REV3L: variants seen among roughly 807,000 people sequenced by gnomAD.
REV3L encodes the protein REV3 like, DNA directed polymerase zeta catalytic subunit.
A neutral mutation model predicts 299.4 loss-of-function variants in REV3L; 69 were observed. The observed-to-expected ratio is 0.23, with a 90% CI of 0.19 to 0.28. The LOEUF is 0.28. Among genes scored for constraint, REV3L ranks in the 10% least tolerant of loss-of-function variants. The pLI, the probability that REV3L is intolerant of heterozygous loss-of-function variation, is 1.00. For missense variants in REV3L, 3,128 were observed against 3,693.8 expected, an observed-to-expected ratio of 0.85 and a Z score of 3.97; for synonymous variants, 1,238 against 1,271.4, an observed-to-expected ratio of 0.97 and a Z score of 0.56.
rs192268476 is a variant in REV3L, at chr6:111,337,255, T to A, written c.7539-1645A>T. Among the ~76,000 whole-genome samples the A allele has an allele frequency of 3.3e-5, 5 of 152,328 alleles. No homozygotes were observed. The East Asian group carries it at 9.6e-4, about 29-fold the overall frequency. Reference sequence around the variant, plus strand: ...TACTTTAAATGGGTAAATTGTATGATATACAAATTATATCTGAATAAAGCT... The same window carrying A: ...TACTTTAAATGGGTAAATTGTATGAAATACAAATTATATCTGAATAAAGCT... On this transcript the variant is annotated intron_variant, in intron 21 of 31. Transcript: ENST00000368802.
chr6:111,407,589 G>A (rs1362748661), intron 3 of REV3L, among the ~76,000 whole-genome samples: 2 of 152,162 alleles, frequency 1.3e-5, no homozygotes, highest in East Asian at 1.9e-4. Context: ...ATTAGTGAAA[G>A]CAATTTTCAG....
chr6:111,369,413 T>G (rs1489258297), intron 13 of REV3L, among the ~76,000 whole-genome samples: 2 of 152,086 alleles, frequency 1.3e-5, no homozygotes, highest in Non-Finnish European at 2.9e-5. Flanking sequence ...AGCCTTAAAT[T>G]TTTCAGTAAT....
chr6:111,303,591 T>C (rs1305694899), intron 31 of REV3L, among the ~76,000 whole-genome samples: 1 of 147,026 alleles, frequency 6.8e-6, no homozygotes, highest in Admixed American at 6.8e-5. Context: ...GGTCTCAAAC[T>C]CCTGCCCTCA....
At chr6:111,314,542 T>G (rs1046834729) in intron 27 of REV3L, among the ~76,000 whole-genome samples, 13 of 152,178 alleles carry the variant, frequency 8.5e-5, no homozygotes, top group Non-Finnish European at 1.0e-4. Context: ...CCAGACATGA[T>G]GGTAAGCAAG....
intron 1 of REV3L, among the ~76,000 whole-genome samples, chr6:111,473,171 C>A (rs557662529): frequency 6.6e-6 from 1 of 152,202 alleles, no homozygotes; most frequent in African/African-American, 2.4e-5. Flanking sequence ...ATGACAACAT[C>A]CTCTAAAACC....
chr6:111,471,495 T>C (rs771868513), intron 1 of REV3L, among the ~76,000 whole-genome samples: 25 of 152,196 alleles, frequency 1.6e-4, no homozygotes, highest in Non-Finnish European at 2.8e-4. Flanking sequence ...TCAAACATTT[T>C]AAAGAGTACT....
At chr6:111,431,056 C>A (rs1786861669) in intron 1 of REV3L, 1 of 1,519,108 alleles carries the variant, frequency 6.6e-7, no homozygotes, top group Non-Finnish European at 9.1e-7. Flanking sequence ...TTCTTATGCA[C>A]CGCATTATGA....
Position 111,329,748 on chromosome 6 carries a change from A to G in REV3L, c.8035-10T>C, listed in dbSNP as rs1170905631. On this transcript the variant is annotated splice_polypyrimidine_tract_variant and intron_variant, in intron 24 of 31. Transcript: ENST00000368802. The stretch of plus-strand genomic sequence containing the variant: ...CTTTTCTTACTGAAGGCTATCATAA[A>G]GAAAAAAAATGTTTAAAACCCCTCA... 6.2e-7 allele frequency: 1 copy of G among 1,605,268 alleles called. No individual in the cohort carries two copies. The highest frequency in any genetic ancestry group is 1.3e-5 in the African/African-American group (1 of 74,738).
intron 1 of REV3L, among the ~76,000 whole-genome samples, chr6:111,463,161 C>T (rs569982239): frequency 8.5e-5 from 13 of 152,298 alleles, no homozygotes; most frequent in East Asian, 1.9e-4. Context: ...AAGCTGTTAA[C>T]GGTATAAGTA....
rs148744835 is a variant in REV3L, at chr6:111,373,631, C to G, written c.4724G>C (p.Arg1575Pro). 6.2e-7 allele frequency: 1 copy of G among 1,614,052 alleles called. No homozygotes were observed. Among genetic ancestry groups the G allele is most frequent in the Non-Finnish European group, 8.5e-7 (1 of 1,179,992 alleles). The change falls in exon 13 of 32, where the codon CGA (arginine) becomes CCA (proline). Residue 1575 changes from arginine (R) to proline (P), a missense_variant. By Grantham distance (103) the Arg-to-Pro change is moderately radical. Around this residue, in one of 9 missense-constraint regions of REV3L, gnomAD observed 2,409 missense variants for 2,611.8 expected, o/e 0.92. Coordinates refer to ENST00000368802, the MANE Select transcript of REV3L (RefSeq NM_001372078.1). ...LEHNKANKRT[R>P]SVTSPRKPRT... ...AGGTTTTCTTGGGGACGTTACCGAT[C>G]GTGTCCGTTTATTTGCTTTGTTATG... is the stretch of plus-strand genomic sequence containing the variant.
intron 1 of REV3L, among the ~76,000 whole-genome samples, chr6:111,446,576 C>T (rs972246711): frequency 1.3e-5 from 2 of 152,152 alleles, no homozygotes; most frequent in African/African-American, 4.8e-5. Context: ...TGGCAGGCGC[C>T]TGTAGTCCCA....
At chr6:111,448,997 C>G (rs1395912954) in intron 1 of REV3L, among the ~76,000 whole-genome samples, 1 of 151,994 alleles carries the variant, frequency 6.6e-6, no homozygotes, top group Non-Finnish European at 1.5e-5. Context: ...AGCTTGTGGT[C>G]TTTGCAAACA....
At position 111,329,604 on chromosome 6, in the gene REV3L, T is replaced by C; in HGVS notation, c.8169A>G (p.Gly2723=). 1 of 1,614,154 alleles carries C rather than the reference T, an allele frequency of 6.2e-7. No homozygotes were observed. The highest frequency in any genetic ancestry group is 8.5e-7 in the Non-Finnish European group (1 of 1,180,034). The change falls in exon 25 of 32, where the codon GGA becomes GGG. Residue 2723 remains glycine, a synonymous_variant. Coordinates refer to ENST00000368802, the MANE Select transcript of REV3L (RefSeq NM_001372078.1). ...ATGTGACATTTGCTATCAGCTTAAG[T>C]CCCAACTGACGCGCATCAAGCATTC... The part of the protein sequence containing the change: ...LSRMLDARQL[G]LKLIANVTFG...
At chr6:111,414,252 T>G (rs1784541899) in intron 2 of REV3L, among the ~76,000 whole-genome samples, 1 of 152,046 alleles carries the variant, frequency 6.6e-6, no homozygotes, top group South Asian at 2.1e-4. Flanking sequence ...CAAAGAAAAC[T>G]TCTCTGAAGA....
chr6:111,419,411 T>C (rs1785082701), intron 1 of REV3L, among the ~76,000 whole-genome samples: 1 of 151,298 alleles, frequency 6.6e-6, no homozygotes, highest in South Asian at 2.1e-4. Flanking sequence ...TTTATTACCA[T>C]AAAATTTGTA....
chr6:111,330,200 G>T (rs1361347819), intron 24 of REV3L: 1 of 422,020 alleles, frequency 2.4e-6, no homozygotes, highest in Non-Finnish European at 4.9e-6. Flanking sequence ...GAAGAATGAT[G>T]AGCTGGGTTG....
intron 22 of REV3L, among the ~76,000 whole-genome samples, chr6:111,334,127 T>TG (rs1775677907): frequency 6.6e-6 from 1 of 151,926 alleles, no homozygotes; most frequent in Non-Finnish European, 1.5e-5. Context: ...TTAGTAGAGA[T>TG]GGGGTTTCAT....
intron 4 of REV3L, among the ~76,000 whole-genome samples, chr6:111,399,039 T>C (rs932184870): frequency 3.3e-5 from 5 of 152,184 alleles, no homozygotes; most frequent in Non-Finnish European, 7.4e-5. Flanking sequence ...AAAACCCTTC[T>C]GAGTACCATT....
At chr6:111,481,892 T>C (rs1376341745) in intron 1 of REV3L, among the ~76,000 whole-genome samples, 1 of 152,172 alleles carries the variant, frequency 6.6e-6, no homozygotes, top group Non-Finnish European at 1.5e-5. Flanking sequence ...TTCTTCAACA[T>C]AGTTGTGTTT....
Sources: allele counts gnomAD v4.1 joint callset (sites outside exome capture counted in the v4.1 genomes callset), GRCh38; gene constraint gnomAD v4.1.1; regional missense constraint gnomAD v4.1.1; transcripts MANE v1.5; gene names NCBI Gene and HGNC (gene_info 2026-07-23, HGNC 2026-07-21).